The following FBXL7 variants were observed in gnomAD, a reference collection of about 807,000 sequenced individuals.
FBXL7 encodes F-box and leucine rich repeat protein 7.
Under a neutral mutation model 38.3 loss-of-function variants are expected in FBXL7, and 12 were observed. That is an observed-to-expected ratio of 0.31 (90% CI 0.20 to 0.51). The LOEUF is 0.51. FBXL7 is among the 20% of genes least tolerant of loss of function. The probability of loss-of-function intolerance (pLI) is 0.98; values close to 1 mark genes in which losing one functional copy is unlikely to be tolerated. For synonymous variants in FBXL7, 297 were observed against 300.9 expected, an observed-to-expected ratio of 0.99 and a Z score of 0.13; for missense variants, 567 against 676.4, an observed-to-expected ratio of 0.84 and a Z score of 1.79.
chr5:15,893,646 T>A (rs1741001339), intron 2 of FBXL7, among the ~76,000 whole-genome samples: 1 of 152,168 alleles, frequency 6.6e-6, no homozygotes, highest in Non-Finnish European at 1.5e-5. Context: ...AATAATGGCA[T>A]TGGGTATTCT....
chr5:15,619,822 AG>A (rs1334311631), intron 2 of FBXL7, among the ~76,000 whole-genome samples: 5 of 152,214 alleles, frequency 3.3e-5, no homozygotes, highest in African/African-American at 1.2e-4. Flanking sequence ...TGGGATGGAT[AG>A]GGAGGGTTCA....
chr5:15,830,367 C>G (rs1458367340), intron 2 of FBXL7, among the ~76,000 whole-genome samples: 1 of 151,910 alleles, frequency 6.6e-6, no homozygotes, highest in Non-Finnish European at 1.5e-5. Context: ...GCCTGTAATC[C>G]CAGCTACTCA....
intron 1 of FBXL7, among the ~76,000 whole-genome samples, chr5:15,553,042 A>G (rs1392001981): frequency 6.6e-6 from 1 of 151,566 alleles, no homozygotes; most frequent in African/African-American, 2.4e-5. Flanking sequence ...AGATCGTGCC[A>G]CTGCACTCCA....
chr5:15,792,293 C>G (rs1211563797), intron 2 of FBXL7, among the ~76,000 whole-genome samples: 1 of 152,152 alleles, frequency 6.6e-6, no homozygotes. Flanking sequence ...TTTCACATTA[C>G]TTGTCCTTTC....
intron 2 of FBXL7, among the ~76,000 whole-genome samples, chr5:15,865,143 C>T (rs1263097690): frequency 6.6e-5 from 10 of 152,182 alleles, no homozygotes; most frequent in African/African-American, 2.4e-4. Context: ...ATCTCTGGCT[C>T]CAAACATCCA....
chr5:15,597,490 T>C (rs564580045), intron 1 of FBXL7, among the ~76,000 whole-genome samples: 2 of 137,252 alleles, frequency 1.5e-5, no homozygotes, highest in East Asian at 4.0e-4. Flanking sequence ...GATAATATCA[T>C]TTTGTAAAAA....
intron 1 of FBXL7, among the ~76,000 whole-genome samples, chr5:15,508,647 CAT>C (rs1016161788): frequency 7.2e-5 from 11 of 152,258 alleles, no homozygotes; most frequent in African/African-American, 2.6e-4. Flanking sequence ...CACATAATCA[CAT>C]GTGATTATGT....
intron 2 of FBXL7, among the ~76,000 whole-genome samples, chr5:15,620,410 T>G (rs201512863): frequency 4.1e-4 from 54 of 131,160 alleles, no homozygotes; most frequent in East Asian, 1.1e-3. Context: ...TTTTTTGTTT[T>G]TTGTTTTTTT....
chr5:15,606,169 T>C (rs1212270457), intron 1 of FBXL7, among the ~76,000 whole-genome samples: 2 of 152,188 alleles, frequency 1.3e-5, no homozygotes, highest in African/African-American at 2.4e-5. Context: ...CTTTTCTTTT[T>C]CTATTTTATA....
intron 1 of FBXL7, among the ~76,000 whole-genome samples, chr5:15,572,207 TA>T (rs1159079904): frequency 6.6e-6 from 1 of 152,112 alleles, no homozygotes; most frequent in Admixed American, 6.6e-5. Context: ...GCTTAGTTTT[TA>T]TTTTTCAGAG....
chr5:15,604,187 C>T (rs918046145), intron 1 of FBXL7, among the ~76,000 whole-genome samples: 12 of 152,044 alleles, frequency 7.9e-5, no homozygotes, highest in African/African-American at 2.7e-4. Flanking sequence ...AAAGGGAGGA[C>T]TGTGTGAAAG....
At chr5:15,855,847 A>T (rs1739256091) in intron 2 of FBXL7, among the ~76,000 whole-genome samples, 1 of 152,204 alleles carries the variant, frequency 6.6e-6, no homozygotes, top group African/African-American at 2.4e-5. Context: ...AAGAACAGAG[A>T]GTTTAAATAG....
chr5:15,565,401 T>C (rs779762448), intron 1 of FBXL7, among the ~76,000 whole-genome samples: 10 of 152,098 alleles, frequency 6.6e-5, no homozygotes, highest in Non-Finnish European at 1.0e-4. Context: ...GGGTCTTTGT[T>C]AGAGACCCTC....
At chr5:15,726,160 A>C (rs559878956) in intron 2 of FBXL7, among the ~76,000 whole-genome samples, 8 of 152,260 alleles carry the variant, frequency 5.3e-5, no homozygotes, top group African/African-American at 1.7e-4. Flanking sequence ...ATTTTGTTTT[A>C]TATTAATATA....
At chr5:15,807,959 A>G (rs1737759799) in intron 2 of FBXL7, among the ~76,000 whole-genome samples, 1 of 152,120 alleles carries the variant, frequency 6.6e-6, no homozygotes, top group South Asian at 2.1e-4. Flanking sequence ...CTGAGATGGT[A>G]AAGTGAAGCT....
At chr5:15,803,082 C>T (rs777102329) in intron 2 of FBXL7, among the ~76,000 whole-genome samples, 14 of 152,184 alleles carry the variant, frequency 9.2e-5, no homozygotes, top group Non-Finnish European at 2.1e-4. Context: ...ATTTCCCATA[C>T]CTTCAATGCT....
chr5:15,744,640 C>T (rs1450621450), intron 2 of FBXL7, among the ~76,000 whole-genome samples: 1 of 152,194 alleles, frequency 6.6e-6, no homozygotes, highest in Non-Finnish European at 1.5e-5. Context: ...TCCAAAGTCG[C>T]TTCCACATTT....
Position 15,859,817 on chromosome 5 carries a change from G to A in FBXL7, c.128-68073G>A, listed in dbSNP as rs143970864. On this transcript the variant is annotated intron_variant, in intron 2 of 3. Transcript: ENST00000504595. ...TGTCACCACTCAAGATATCAATAGC[G>A]CCAAGGCTGAGAAACCCTGACCCAT... Among the ~76,000 whole-genome samples the A allele has an allele frequency of 3.6e-3, 545 of 152,160 alleles. 1 individual carries two copies. The highest frequency in any genetic ancestry group is 0.012 in the African/African-American group (498 of 41,520).
At chr5:15,651,287 G>A (rs4558990) in intron 2 of FBXL7, among the ~76,000 whole-genome samples, 8,962 of 151,720 alleles carry the variant, frequency 0.059, 731 homozygotes, top group East Asian at 0.35. Flanking sequence ...TAGTAGAGAC[G>A]GGGTTTCACC....
Sources: gnomAD v4.1 joint callset for allele counts (sites outside exome capture counted in the v4.1 genomes callset) on GRCh38, gnomAD v4.1.1 for gene constraint, MANE v1.5 for transcripts, NCBI Gene and HGNC (gene_info 2026-07-23, HGNC 2026-07-21) for gene names.